DLGAP2: variants seen among roughly 807,000 people sequenced by gnomAD.
DLGAP2 encodes the protein DLG associated protein 2.
A neutral mutation model predicts 100.3 loss-of-function variants in DLGAP2; 26 were observed. The observed-to-expected ratio is 0.26, with a 90% CI of 0.19 to 0.36. The LOEUF (loss-of-function observed/expected upper bound fraction) is 0.36, where lower values mean the gene tolerates loss of function less well. Ranked by LOEUF, DLGAP2 falls within the 10% of genes least tolerant of loss-of-function variation. The probability of loss-of-function intolerance (pLI) is 1.00; values close to 1 mark genes in which losing one functional copy is unlikely to be tolerated. For synonymous variants in DLGAP2, 886 were observed against 630.1 expected (o/e 1.41, Z -6.08); for missense variants, 1,858 against 1,453.2 (o/e 1.28, Z -4.53).
intron 2 of DLGAP2, among the ~76,000 whole-genome samples, chr8:1,236,313 G>A (rs1257891410): frequency 1.3e-4 from 7 of 52,190 alleles, no homozygotes; most frequent in African/African-American, 5.2e-4. Flanking sequence ...CTCTCACATG[G>A]CGCCGTGTCT....
At chr8:994,442 C>G (rs35100699) in intron 2 of DLGAP2, among the ~76,000 whole-genome samples, 1 of 152,246 alleles carries the variant, frequency 6.6e-6, no homozygotes, top group East Asian at 1.9e-4. Context: ...TCAGGTGATC[C>G]GTCTGCCTCA....
At chr8:819,744 A>G (rs556730095) in intron 1 of DLGAP2, among the ~76,000 whole-genome samples, 5 of 152,366 alleles carry the variant, frequency 3.3e-5, no homozygotes, top group Non-Finnish European at 7.3e-5. Flanking sequence ...TGTAAGATTT[A>G]TAGGAAAAAC....
intron 2 of DLGAP2, among the ~76,000 whole-genome samples, chr8:1,210,430 T>C (rs375948764): frequency 6.6e-6 from 1 of 152,188 alleles, no homozygotes; most frequent in Non-Finnish European, 1.5e-5. Context: ...TTAAAGAGTT[T>C]CCATGTTCAT....
At chr8:1,472,372 G>GT (rs1240362209) in intron 3 of DLGAP2, among the ~76,000 whole-genome samples, 1 of 152,228 alleles carries the variant, frequency 6.6e-6, no homozygotes, top group Non-Finnish European at 1.5e-5. Context: ...CAAAGCGGGT[G>GT]TGGCCCTTGC....
rs201122355 is a variant in DLGAP2, at chr8:1,484,877, CTCAGCCTT to C, written c.107-16482_107-16475del. 4.6e-5 allele frequency among the ~76,000 whole-genome samples: 7 copies of C among 152,316 alleles called. No individual in the cohort carries two copies. In the East Asian group the frequency reaches 7.7e-4, roughly 17 times the overall value. ...TGGCAGCAGAGAGCAGACCTGGTCT[CTCAGCCTT>C]TCAGCCCCCTCCCCTTCCTGCTCTG... is the stretch of plus-strand genomic sequence containing the variant. On this transcript the variant is annotated intron_variant, in intron 3 of 14. Transcript: ENST00000637795.
intron 1 of DLGAP2, among the ~76,000 whole-genome samples, chr8:820,780 T>C (rs188431185): frequency 6.6e-6 from 1 of 152,288 alleles, no homozygotes; most frequent in Admixed American, 6.5e-5. Flanking sequence ...GCAGAATTCT[T>C]AGGAAATGGG....
At chr8:1,120,604 C>A (rs1796014792) in intron 2 of DLGAP2, among the ~76,000 whole-genome samples, 1 of 151,658 alleles carries the variant, frequency 6.6e-6, no homozygotes, top group Admixed American at 6.6e-5. Flanking sequence ...CCATCCTTGC[C>A]CATTAGGACC....
chr8:1,096,838 C>A (rs1265245957), intron 2 of DLGAP2, among the ~76,000 whole-genome samples: 3 of 143,340 alleles, frequency 2.1e-5, no homozygotes, highest in African/African-American at 2.7e-5. Context: ...TAGAGTGGAG[C>A]TGGGAGCCCG....
intron 3 of DLGAP2, among the ~76,000 whole-genome samples, chr8:1,371,141 C>G (rs1333220285): frequency 6.6e-6 from 1 of 152,234 alleles, no homozygotes; most frequent in Non-Finnish European, 1.5e-5. Flanking sequence ...GTGTCAGCTC[C>G]TCGAGGAAGA....
Position 837,035 on chromosome 8 carries a change from G to C in DLGAP2, c.19-70877G>C, listed in dbSNP as rs374155063. On this transcript the variant is annotated intron_variant, in intron 1 of 14. Transcript: ENST00000637795. ...CATGGTTAGAAACACAGATTCTGGA[G>C]CCAGATTCCCGGGGTTCGAGTCCTA... 2.2e-4 allele frequency among the ~76,000 whole-genome samples: 33 copies of C among 152,328 alleles called. No individual in the cohort carries two copies. In the East Asian group the frequency reaches 4.8e-3, roughly 22 times the overall value.
chr8:1,155,635 G>C (rs1319436699), intron 2 of DLGAP2, among the ~76,000 whole-genome samples: 1 of 151,352 alleles, frequency 6.6e-6, no homozygotes, highest in East Asian at 1.9e-4. Context: ...CTTCGCGATG[G>C]GCGCGGTCTT....
chr8:1,375,963 G>T (rs71497188), intron 3 of DLGAP2, among the ~76,000 whole-genome samples: 1 of 9,892 alleles, frequency 1.0e-4, no homozygotes, highest in Non-Finnish European at 2.5e-4. Flanking sequence ...TCAGAACTGA[G>T]CCCCCACCTC....
intron 4 of DLGAP2, among the ~76,000 whole-genome samples, chr8:1,541,687 G>C (rs900230821): frequency 2.0e-5 from 3 of 152,334 alleles, no homozygotes; most frequent in African/African-American, 7.2e-5. Flanking sequence ...AGCTCACCCA[G>C]ACGAGATCTA....
chr8:997,855 CACAT>C (rs1419170404), intron 2 of DLGAP2, among the ~76,000 whole-genome samples: 12 of 146,170 alleles, frequency 8.2e-5, no homozygotes, highest in Middle Eastern at 3.5e-3. Context: ...CATACATACA[CACAT>C]ACACACAAAC....
chr8:1,252,729 C>T (rs925504712), intron 2 of DLGAP2, among the ~76,000 whole-genome samples: 3 of 152,246 alleles, frequency 2.0e-5, no homozygotes, highest in Non-Finnish European at 4.4e-5. Context: ...GGCGGCCAGG[C>T]AGGCCTGCTG....
intron 8 of DLGAP2, among the ~76,000 whole-genome samples, chr8:1,651,884 A>C (rs1798173704): frequency 2.0e-5 from 3 of 152,026 alleles, no homozygotes; most frequent in Admixed American, 6.6e-5. Flanking sequence ...CCCCGCCTGC[A>C]CCTCTGGTCA....
intron 1 of DLGAP2, among the ~76,000 whole-genome samples, chr8:864,492 C>A (rs7816826): frequency 8.6e-5 from 13 of 151,966 alleles, no homozygotes; most frequent in Non-Finnish European, 1.8e-4. Flanking sequence ...TTTTAGAAAC[C>A]TCACTATTCT....
chr8:1,349,522 G>C (rs75931818), intron 3 of DLGAP2, among the ~76,000 whole-genome samples: 1 of 110,776 alleles, frequency 9.0e-6, no homozygotes, highest in Admixed American at 9.2e-5. Context: ...GGGTGTTTGA[G>C]GGGGACTGTC....
intron 3 of DLGAP2, among the ~76,000 whole-genome samples, chr8:1,283,518 A>C (rs1799862787): frequency 6.6e-6 from 1 of 152,250 alleles, no homozygotes; most frequent in African/African-American, 2.4e-5. Flanking sequence ...TAGCAGCTGC[A>C]GAAGACAGTT....
Sources: allele counts gnomAD v4.1 joint callset (sites outside exome capture counted in the v4.1 genomes callset), GRCh38; gene constraint gnomAD v4.1.1; transcripts MANE v1.5; gene names NCBI Gene and HGNC (gene_info 2026-07-23, HGNC 2026-07-21).